The following SIK3 variants were observed in gnomAD, a reference collection of about 807,000 sequenced individuals.
SIK3 encodes serine/threonine-protein kinase SIK3.
Under a neutral mutation model 144.2 loss-of-function variants are expected in SIK3, and 28 were observed. The observed-to-expected ratio is 0.19, with a 90% CI of 0.14 to 0.27. The LOEUF is 0.27. SIK3 is among the 10% of genes least tolerant of loss of function. The pLI is 1.00. For missense variants in SIK3, 1,319 were observed against 1,776.0 expected (o/e 0.74, Z 4.62); for synonymous variants, 686 against 676.3 (o/e 1.01, Z -0.22).
intron 3 of SIK3, among the ~76,000 whole-genome samples, chr11:116,944,021 CCTT>C (rs1948448509): frequency 6.6e-6 from 1 of 151,934 alleles, no homozygotes; most frequent in African/African-American, 2.4e-5. Flanking sequence ...AGATAGGGTA[CCTT>C]CTTTTTTCAT....
At chr11:116,869,870 A>C (rs1943872278) in intron 14 of SIK3, 2 of 312,938 alleles carry the variant, frequency 6.4e-6, no homozygotes, top group Non-Finnish European at 1.3e-5. Flanking sequence ...GGGTGGAAGA[A>C]GCACACAGCA....
chr11:116,967,711 T>C (rs1429593506), intron 1 of SIK3, among the ~76,000 whole-genome samples: 2 of 152,194 alleles, frequency 1.3e-5, no homozygotes, highest in East Asian at 1.9e-4. Flanking sequence ...CGGATGTCAG[T>C]AGTGTGCTCA....
intron 1 of SIK3, among the ~76,000 whole-genome samples, chr11:117,086,304 T>C (rs895248899): frequency 6.6e-6 from 1 of 152,254 alleles, no homozygotes; most frequent in Non-Finnish European, 1.5e-5. Context: ...TCTCCTTGAC[T>C]ATCTTTTCAC....
chr11:117,046,491 T>G (rs1952971319), intron 1 of SIK3, among the ~76,000 whole-genome samples: 1 of 152,228 alleles, frequency 6.6e-6, no homozygotes. Context: ...TTTTAATCAC[T>G]GCAAAGGTTA....
At position 116,849,142 on chromosome 11, in the gene SIK3, A is replaced by G; in HGVS notation, c.3797T>C (p.Ile1266Thr). Residue 1266 changes from isoleucine (I) to threonine (T), a missense_variant, in exon 22 of 25, where the codon ATC (isoleucine) becomes ACC (threonine). This residue lies in a region of SIK3 where 646 missense variants were observed against 763.7 expected (regional missense o/e 0.85). Coordinates refer to ENST00000445177, the MANE Select transcript of SIK3 (RefSeq NM_001366686.3). This position sits in a 1 kb window ranked among gnomAD's most constrained non-coding sequence, Gnocchi z 4.2. Reference sequence around the variant, plus strand: ...TACATAAGCATCGTCGCTGTTCTGGATCGTGTGGTGTCTCTGGAGGGCCCG... The same window carrying G: ...TACATAAGCATCGTCGCTGTTCTGGGTCGTGTGGTGTCTCTGGAGGGCCCG... ...RPRALQRHHT[I>T]QNSDDAYVQL... is the part of the protein sequence containing the mutation. 6.2e-7 allele frequency: 1 copy of G among 1,608,352 alleles called. No individual in the cohort carries two copies. Among genetic ancestry groups the G allele is most frequent in the Non-Finnish European group, 8.5e-7 (1 of 1,176,144 alleles).
chr11:116,863,010 G>C (rs1302197587), intron 16 of SIK3, among the ~76,000 whole-genome samples: 1 of 151,578 alleles, frequency 6.6e-6, no homozygotes, highest in African/African-American at 2.4e-5. Context: ...GGAGGCGGAC[G>C]ATGCAGTGAG....
chr11:117,053,582 T>C (rs552510887), intron 1 of SIK3, among the ~76,000 whole-genome samples: 1 of 152,252 alleles, frequency 6.6e-6, no homozygotes, highest in South Asian at 2.1e-4. Context: ...TACAACTACC[T>C]TAATAACAAA....
At chr11:116,880,438 AAC>A (rs1591453565) in intron 6 of SIK3, among the ~76,000 whole-genome samples, 2 of 152,184 alleles carry the variant, frequency 1.3e-5, no homozygotes, top group African/African-American at 4.8e-5. Flanking sequence ...TAAGAACCAA[AAC>A]AATTCTTGGT....
At chr11:117,030,836 T>A (rs545362599) in intron 1 of SIK3, among the ~76,000 whole-genome samples, 4 of 152,250 alleles carry the variant, frequency 2.6e-5, no homozygotes, top group Non-Finnish European at 5.9e-5. Context: ...GCACCCAGGC[T>A]TTTTAAAAAT....
At chr11:117,054,186 T>C (rs891615037) in intron 1 of SIK3, among the ~76,000 whole-genome samples, 14 of 152,206 alleles carry the variant, frequency 9.2e-5, no homozygotes, top group African/African-American at 3.1e-4. Flanking sequence ...CACCAGGAAT[T>C]CACCAGACAG....
At chr11:117,093,281 C>T (rs1358561188) in intron 1 of SIK3, among the ~76,000 whole-genome samples, 3 of 152,188 alleles carry the variant, frequency 2.0e-5, no homozygotes, top group Non-Finnish European at 4.4e-5. Flanking sequence ...GAAAATAATG[C>T]TTTTAGCCCA....
intron 1 of SIK3, among the ~76,000 whole-genome samples, chr11:117,049,124 T>C (rs1953107556): frequency 6.6e-6 from 1 of 151,992 alleles, no homozygotes; most frequent in South Asian, 2.1e-4. Flanking sequence ...TTTAAAAAAA[T>C]ACTTCATGAT....
chr11:116,990,336 G>A (rs1445273682), intron 1 of SIK3, among the ~76,000 whole-genome samples: 1 of 152,154 alleles, frequency 6.6e-6, no homozygotes, highest in African/African-American at 2.4e-5. Flanking sequence ...CAACATCAGA[G>A]CACTCCCCAG....
chr11:116,886,869 C>G (rs1315412700), intron 6 of SIK3, among the ~76,000 whole-genome samples: 3 of 152,188 alleles, frequency 2.0e-5, no homozygotes, highest in Non-Finnish European at 4.4e-5. Flanking sequence ...CAGGTTTCAC[C>G]TTCCACAACA....
intron 1 of SIK3, among the ~76,000 whole-genome samples, chr11:117,078,313 C>T (rs1159440808): frequency 1.3e-5 from 2 of 151,964 alleles, no homozygotes; most frequent in African/African-American, 4.8e-5. Flanking sequence ...TAATGCAAGT[C>T]ACATCCAATG....
Position 116,858,897 on chromosome 11 carries a change from G to A in SIK3, c.2766-198C>T, listed in dbSNP as rs554651247. Among the ~76,000 whole-genome samples, 5 of 152,252 alleles carry A rather than the reference G, an allele frequency of 3.3e-5. No individual in the cohort carries two copies. In the South Asian group the frequency reaches 8.3e-4, roughly 25 times the overall value. On this transcript the variant is annotated intron_variant, in intron 20 of 24. Coordinates refer to ENST00000445177, the MANE Select transcript of SIK3 (RefSeq NM_001366686.3). This position sits in a 1 kb window ranked among gnomAD's most constrained non-coding sequence, Gnocchi z 5.4. ...ACCTCCAAGGGACTGAGGGCACTGC[G>A]TGGGTAATAGATCTAGCTCATTTTG...
intron 6 of SIK3, among the ~76,000 whole-genome samples, chr11:116,879,694 T>C (rs1944451212): frequency 6.6e-6 from 1 of 152,248 alleles, no homozygotes; most frequent in African/African-American, 2.4e-5. Context: ...CAAAATGATT[T>C]CTTACATCAG....
At chr11:117,035,402 A>G (rs2135821885) in intron 1 of SIK3, among the ~76,000 whole-genome samples, 1 of 152,338 alleles carries the variant, frequency 6.6e-6, no homozygotes, top group East Asian at 1.9e-4. Flanking sequence ...TAATTCTATT[A>G]AATCTATTAA....
chr11:116,875,425 G>A lies in SIK3; in HGVS notation c.1266C>T (p.Asn422=). ...TCAGCTGCACCTGGGGAACGCTGAT[G>A]TTCATAGCAGTACCTGCCTGCTCCG... ...IQAEQAGTAM[N]ISVPQVQLIN... is the part of the protein sequence containing the mutation. Residue 422 remains asparagine (N), a synonymous_variant, in exon 10 of 25, where the codon AAC becomes AAT. Coordinates refer to ENST00000445177, the MANE Select transcript of SIK3 (RefSeq NM_001366686.3). 1.2e-6 allele frequency: 2 copies of A among 1,614,180 alleles called. No homozygotes were observed. Among genetic ancestry groups the A allele is most frequent in the Non-Finnish European group, 1.7e-6 (2 of 1,180,028 alleles).
Sources: gnomAD v4.1 joint callset for allele counts (sites outside exome capture counted in the v4.1 genomes callset) on GRCh38, gnomAD v4.1.1 for gene constraint, gnomAD v4.1.1 regional missense constraint, Gnocchi (gnomAD v3.1) non-coding constraint, MANE v1.5 for transcripts, NCBI Gene and HGNC (gene_info 2026-07-23, HGNC 2026-07-21) for gene names.